EPHA5: variants seen among roughly 807,000 people sequenced by gnomAD.
EPHA5 encodes the protein EPH receptor A5.
EPHA5 carries 60 observed loss-of-function variants against 105.0 expected under a neutral mutation model. That is an observed-to-expected ratio of 0.57 (90% confidence interval 0.46 to 0.71). The LOEUF is 0.71. EPHA5 is among the 30% of genes least tolerant of loss of function. The probability of loss-of-function intolerance (pLI) is 0.00; values close to 1 mark genes in which losing one functional copy is unlikely to be tolerated. For synonymous variants in EPHA5, 513 were observed against 449.1 expected, an observed-to-expected ratio of 1.14 and a Z score of -1.80; for missense variants, 1,218 against 1,274.7, an observed-to-expected ratio of 0.96 and a Z score of 0.68.
intron 5 of EPHA5, among the ~76,000 whole-genome samples, chr4:65,461,926 A>T (rs769065880): frequency 1.7e-4 from 26 of 152,234 alleles, no homozygotes; most frequent in Non-Finnish European, 2.6e-4. Context: ...ACAATAACAG[A>T]ATATAATTGA....
chr4:65,625,973 G>T (rs1323841508), intron 2 of EPHA5, among the ~76,000 whole-genome samples: 2 of 151,920 alleles, frequency 1.3e-5, no homozygotes, highest in African/African-American at 2.4e-5. Flanking sequence ...GGTGGCGGGC[G>T]CCTCTAGTCC....
At chr4:65,648,635 A>G (rs1002986014) in intron 1 of EPHA5, among the ~76,000 whole-genome samples, 1 of 152,222 alleles carries the variant, frequency 6.6e-6, no homozygotes, top group Non-Finnish European at 1.5e-5. Context: ...GTAGCAGATT[A>G]TATGGCCTTC....
At chr4:65,476,121 A>AGTGT (rs1265229948) in intron 5 of EPHA5, among the ~76,000 whole-genome samples, 2,881 of 132,728 alleles carry the variant, frequency 0.022, 29 homozygotes, top group Admixed American at 0.056. Flanking sequence ...AGAGAGAGAG[A>AGTGT]GAGAGAGTGT....
intron 3 of EPHA5, among the ~76,000 whole-genome samples, chr4:65,544,487 C>T (rs1487320523): frequency 6.6e-6 from 1 of 151,886 alleles, no homozygotes; most frequent in Admixed American, 6.6e-5. Flanking sequence ...AGCTGAACAA[C>T]ACTTATAATT....
chr4:65,633,990 G>A (rs557987441), intron 2 of EPHA5, among the ~76,000 whole-genome samples: 1 of 152,196 alleles, frequency 6.6e-6, no homozygotes, highest in South Asian at 2.1e-4. Flanking sequence ...AGGTTAGGAT[G>A]GAGGGGAGAA....
chr4:65,486,364 A>G (rs901369910), intron 5 of EPHA5, among the ~76,000 whole-genome samples: 1 of 151,888 alleles, frequency 6.6e-6, no homozygotes, highest in Non-Finnish European at 1.5e-5. Flanking sequence ...ACCACATCCA[A>G]GTGCGTGTTA....
chr4:65,485,480 T>A (rs1261544186), intron 5 of EPHA5, among the ~76,000 whole-genome samples: 1 of 152,184 alleles, frequency 6.6e-6, no homozygotes, highest in Non-Finnish European at 1.5e-5. Flanking sequence ...TCCTTAAAAT[T>A]TTGTAGCTTG....
At chr4:65,508,303 A>T (rs982963284) in intron 3 of EPHA5, among the ~76,000 whole-genome samples, 1 of 152,152 alleles carries the variant, frequency 6.6e-6, no homozygotes, top group Non-Finnish European at 1.5e-5. Context: ...GTCATAAAAT[A>T]AGTCCAGCTA....
intron 8 of EPHA5, among the ~76,000 whole-genome samples, chr4:65,382,578 C>T (rs920826479): frequency 1.3e-5 from 2 of 151,766 alleles, no homozygotes; most frequent in Non-Finnish European, 2.9e-5. Flanking sequence ...TACTGAGAAT[C>T]TATATGCTAT....
At chr4:65,575,843 G>T (rs1377489914) in intron 3 of EPHA5, among the ~76,000 whole-genome samples, 1 of 151,472 alleles carries the variant, frequency 6.6e-6, no homozygotes, top group East Asian at 1.9e-4. Context: ...CAGGCGTAGT[G>T]ATGGGCGCCT....
intron 6 of EPHA5, among the ~76,000 whole-genome samples, chr4:65,417,944 A>G (rs796317130): frequency 2.7e-4 from 41 of 151,942 alleles, no homozygotes; most frequent in African/African-American, 8.0e-4. Flanking sequence ...TCATAAGGGG[A>G]AAAAAAATAG....
intron 14 of EPHA5, among the ~76,000 whole-genome samples, chr4:65,345,601 G>A (rs1722138999): frequency 6.6e-6 from 1 of 152,178 alleles, no homozygotes; most frequent in Non-Finnish European, 1.5e-5. Flanking sequence ...ATGGAAAGTC[G>A]GAGGACATCC....
rs1411763415 is a variant in EPHA5 at position 65,619,011 on chromosome 4, C to T, written c.247-16707G>A. ...CTCTATAGAAAACACAAAAATTAGC[C>T]GGGCATGGTGGCGGGTGCCTGTAAT... On this transcript the variant is annotated intron_variant, in intron 2 of 16. Transcript: ENST00000613740. 2.0e-5 allele frequency among the ~76,000 whole-genome samples: 3 copies of T among 152,034 alleles called. No individual in the cohort carries two copies. In the East Asian group the frequency reaches 5.8e-4, roughly 30 times the overall value.
intron 3 of EPHA5, among the ~76,000 whole-genome samples, chr4:65,511,251 C>A (rs931812273): frequency 1.3e-5 from 2 of 152,090 alleles, no homozygotes; most frequent in Admixed American, 6.6e-5. Context: ...AGTAGGGTGT[C>A]TGTTTGGTAT....
At chr4:65,630,738 A>G (rs971752823) in intron 2 of EPHA5, among the ~76,000 whole-genome samples, 2 of 152,182 alleles carry the variant, frequency 1.3e-5, no homozygotes, top group Non-Finnish European at 2.9e-5. Flanking sequence ...ACCTGTACAG[A>G]TTCGCCGCTG....
At chr4:65,636,362 C>G (rs996142263) in intron 2 of EPHA5, among the ~76,000 whole-genome samples, 4 of 152,048 alleles carry the variant, frequency 2.6e-5, no homozygotes, top group Admixed American at 6.6e-5. Context: ...TCTGGGTACC[C>G]GCCAGAACCT....
At chr4:65,342,162 TTTGTTG>T (rs34295301) in intron 14 of EPHA5, among the ~76,000 whole-genome samples, 1 of 151,108 alleles carries the variant, frequency 6.6e-6, no homozygotes, top group East Asian at 2.0e-4. Flanking sequence ...AGATTTTTGT[TTTGTTG>T]TTGTTGTTGT....
At chr4:65,574,689 C>CAT (rs869208777) in intron 3 of EPHA5, among the ~76,000 whole-genome samples, 10 of 82,956 alleles carry the variant, frequency 1.2e-4, no homozygotes, top group Admixed American at 1.4e-4. Flanking sequence ...CATATATATA[C>CAT]ATATATATAC....
chr4:65,555,548 A>T (rs1393949273), intron 3 of EPHA5, among the ~76,000 whole-genome samples: 2 of 138,644 alleles, frequency 1.4e-5, no homozygotes, highest in East Asian at 2.1e-4. Context: ...TGAACTTAAA[A>T]TTTTTCTAAA....
Sources: gnomAD v4.1 joint callset for allele counts (sites outside exome capture counted in the v4.1 genomes callset) on GRCh38, gnomAD v4.1.1 for gene constraint, MANE v1.5 for transcripts, NCBI Gene and HGNC (gene_info 2026-07-23, HGNC 2026-07-21) for gene names.